The following YARS2 variants were observed in gnomAD, a reference collection of about 807,000 sequenced individuals.
YARS2 encodes the protein tyrosine--tRNA ligase, mitochondrial.
In YARS2, 38 loss-of-function variants were observed where a neutral mutation model predicts 45.0. That is an observed-to-expected ratio of 0.84 (90% CI 0.65 to 1.11). The LOEUF (loss-of-function observed/expected upper bound fraction) is 1.11. YARS2 is among the 50% of genes least tolerant of loss of function. The pLI, the probability that YARS2 is intolerant of heterozygous loss-of-function variation, is 0.00. For synonymous variants in YARS2, 287 were observed against 245.1 expected, an observed-to-expected ratio of 1.17 and a Z score of -1.60; for missense variants, 602 against 599.8, an observed-to-expected ratio of 1.00 and a Z score of -0.04.
chr12:32,752,732 C>T (rs762359304), intron 2 of YARS2: 2 of 274,004 alleles, frequency 7.3e-6, no homozygotes, highest in Non-Finnish European at 1.3e-5. Flanking sequence ...CAAAGTGAGA[C>T]ACTGCCTCAA....
chr12:32,747,132 G>A lies in YARS2; in HGVS notation c.*72C>T. On this transcript the variant is annotated 3_prime_UTR_variant, in exon 5 of 5. Coordinates refer to ENST00000324868, the MANE Select transcript of YARS2 (RefSeq NM_001040436.3). ...TTGCATAAGCAAAGGTCTAAGTTCT[G>A]GAGCCAACCCTTCAGAGGTCTTGAG... The A allele has an allele frequency of 1.3e-6, 2 of 1,543,122 alleles. No homozygotes were observed. The highest frequency in any genetic ancestry group is 3.4e-5 in the Admixed American group (2 of 58,436).
chr12:32,748,070 T>C (rs926049282), intron 4 of YARS2, among the ~76,000 whole-genome samples: 2 of 152,160 alleles, frequency 1.3e-5, no homozygotes, highest in African/African-American at 2.4e-5. Context: ...GGCTAGATCT[T>C]GGAAGTCCTT....
chr12:32,750,906 T>C (rs746867246), intron 2 of YARS2, 32 bp from the exon 3 acceptor site: 43 of 1,611,512 alleles, frequency 2.7e-5, no homozygotes, highest in South Asian at 1.2e-4. Flanking sequence ...GTTACACTTA[T>C]ATAACATACC....
chr12:32,750,139 T>G, intron 3 of YARS2, 32 bp from the exon 4 acceptor site: 1 of 1,611,932 alleles, frequency 6.2e-7, no homozygotes, highest in Non-Finnish European at 8.5e-7. Flanking sequence ...CTACATCATA[T>G]AAATGTTTAT....
At chr12:32,748,760 G>A (rs890875083) in intron 4 of YARS2, among the ~76,000 whole-genome samples, 2 of 152,210 alleles carry the variant, frequency 1.3e-5, no homozygotes, top group African/African-American at 4.8e-5. Context: ...AATAGTCTAG[G>A]ACTCTTTAGG....
At position 32,755,868 on chromosome 12, in the gene YARS2, C is replaced by T. The variant is rs772348768; in HGVS notation, c.7G>A (p.Ala3Thr). 17 of 1,613,130 alleles carry T rather than the reference C, an allele frequency of 1.1e-5. No individual in the cohort carries two copies. Among genetic ancestry groups the T allele is most frequent in the Non-Finnish European group, 1.4e-5 (16 of 1,180,024 alleles). The change falls in exon 1 of 5, where the codon GCG becomes ACG. Residue 3 changes from alanine to threonine, a missense_variant. Physicochemically the swap from Ala to Thr is moderately conservative, Grantham distance 58. Coordinates refer to ENST00000324868, the MANE Select transcript of YARS2 (RefSeq NM_001040436.3). MA[A>T]PILRSFSWGR... Reference sequence around the variant, plus strand: ...CAGGAAAAGGACCGCAAGATGGGCGCCGCCATCTTGGTAGCGGCACGAAGG... The same window carrying T: ...CAGGAAAAGGACCGCAAGATGGGCGTCGCCATCTTGGTAGCGGCACGAAGG...
At chr12:32,753,227 G>A (rs1209776853) in intron 2 of YARS2, among the ~76,000 whole-genome samples, 1 of 152,178 alleles carries the variant, frequency 6.6e-6, no homozygotes, top group African/African-American at 2.4e-5. Flanking sequence ...AGTGAGCCAA[G>A]ACTGCGTCAC....
chr12:32,755,043 T>TA, intron 1 of YARS2, 53 bp downstream of exon 1: 18 of 1,606,340 alleles, frequency 1.1e-5, no homozygotes, highest in Non-Finnish European at 1.5e-5. Context: ...CACAGGCTAC[T>TA]AGTGTGTAAA....
chr12:32,755,526 C>T lies in YARS2; in HGVS notation c.349G>A (p.Ala117Thr). 6.2e-7 allele frequency: 1 copy of T among 1,613,094 alleles called. No homozygotes were observed. The highest frequency in any genetic ancestry group is 8.5e-7 in the Non-Finnish European group (1 of 1,179,726). Residue 117 changes from alanine to threonine, a missense_variant, in exon 1 of 5, where the codon GCG (alanine) becomes ACG (threonine). By Grantham distance (58) the Ala-to-Thr change is moderately conservative. Transcript: ENST00000324868. ...CGGCCGCTCGGGTCTCCCAGGCGCGCCGTGGCGCCTCCCACCAGCGCGATC... is the reference window on the plus strand; with the variant it reads ...CGGCCGCTCGGGTCTCCCAGGCGCGTCGTGGCGCCTCCCACCAGCGCGATC... ...NVIALVGGAT[A>T]RLGDPSGRTK...
In YARS2 at chr12:32,755,510, G is replaced by C; in HGVS notation, c.365C>G (p.Pro122Arg). The C allele has an allele frequency of 3.7e-6, 6 of 1,612,500 alleles. No individual in the cohort carries two copies. The highest frequency in any genetic ancestry group is 1.1e-5 in the South Asian group (1 of 91,040). Reference protein sequence around the residue: ...VGGATARLGDPSGRTKEREAL... With the variant: ...VGGATARLGDRSGRTKEREAL... ...CTCGCGTTCCTTGGTACGGCCGCTC[G>C]GGTCTCCCAGGCGCGCCGTGGCGCC... Residue 122 changes from proline (P) to arginine (R), a missense_variant, in exon 1 of 5, where the codon CCG becomes CGG. Physicochemically the swap from Pro to Arg is moderately radical, Grantham distance 103. Transcript: ENST00000324868.
intron 1 of YARS2, among the ~76,000 whole-genome samples, chr12:32,754,747 T>C (rs1469602634): frequency 1.5e-5 from 2 of 132,650 alleles, no homozygotes; most frequent in Admixed American, 8.2e-5. Flanking sequence ...GGAGTCTCCC[T>C]CTGTTGCCCC....
At chr12:32,754,444 G>A (rs1955806145) in intron 1 of YARS2, among the ~76,000 whole-genome samples, 1 of 152,196 alleles carries the variant, frequency 6.6e-6, no homozygotes, top group Non-Finnish European at 1.5e-5. Flanking sequence ...TTGCACATGA[G>A]CTAGCCCTAT....
At chr12:32,749,894 T>C in intron 4 of YARS2, 43 bp downstream of exon 4, 1 of 1,610,364 alleles carries the variant, frequency 6.2e-7, no homozygotes. Flanking sequence ...CTGTAACATT[T>C]AATGGTGAAT....
rs1592711201 is a variant in YARS2 at position 32,751,578 on chromosome 12, A to G, written c.948-704T>C. Among the ~76,000 whole-genome samples the G allele has an allele frequency of 2.0e-5, 3 of 152,214 alleles. No homozygotes were observed. The South Asian group carries it at 6.2e-4, about 31-fold the overall frequency. On this transcript the variant is annotated intron_variant, in intron 2 of 4. Coordinates refer to ENST00000324868, the MANE Select transcript of YARS2 (RefSeq NM_001040436.3). ...GATATAAATCATCATGCTCTGCATA[A>G]TGATGTTTCTGTCAATGATGGACTA... is the stretch of plus-strand genomic sequence containing the variant.
rs935037205 is a variant in YARS2 at position 32,750,993 on chromosome 12, G to A, written c.948-119C>T. 6.2e-5 allele frequency: 74 copies of A among 1,189,054 alleles called. 1 individual carries two copies. Among genetic ancestry groups the A allele is most frequent in the South Asian group, 3.4e-4 (25 of 73,146 alleles). 73.7% of individuals were successfully genotyped at this position (1,189,054 alleles called of 1,614,324 possible). A position where few individuals can be genotyped will look rare whatever the true frequency, so the allele number is the denominator to read the frequency against. On this transcript the variant is annotated intron_variant, in intron 2 of 4. Coordinates refer to ENST00000324868, the MANE Select transcript of YARS2 (RefSeq NM_001040436.3). ...AAATATGAAACAAACATACAGAAAT[G>A]TACTGAACATAGTAGGTCCCATGCA...
rs554109437 is a variant in YARS2, at chr12:32,748,524, A to AGTG, written c.1275-1162_1275-1161insCAC. Among the ~76,000 whole-genome samples the AGTG allele has an allele frequency of 2.1e-3, 324 of 152,336 alleles. 1 individual carries two copies. The highest frequency in any genetic ancestry group is 0.02 in the Middle Eastern group (6 of 294). ...CTAAATCAGATGTGGTGTCATTTTTAGTAGTGGTAAAGCTTCCAGTATTAG... is the reference window on the plus strand; with the variant it reads ...CTAAATCAGATGTGGTGTCATTTTTAGTGGTAGTGGTAAAGCTTCCAGTATTAG... On this transcript the variant is annotated intron_variant, in intron 4 of 4. Coordinates refer to ENST00000324868, the MANE Select transcript of YARS2 (RefSeq NM_001040436.3).
At chr12:32,750,347 G>A (rs1008663977) in intron 3 of YARS2, among the ~76,000 whole-genome samples, 1 of 152,008 alleles carries the variant, frequency 6.6e-6, no homozygotes, top group Non-Finnish European at 1.5e-5. Flanking sequence ...GATTACAGAC[G>A]TGTGCCACCA....
Position 32,753,976 on chromosome 12 carries a change from T to C in YARS2, c.889A>G (p.Thr297Ala). Residue 297 changes from threonine (T) to alanine (A), a missense_variant, in exon 2 of 5, where the codon ACA becomes GCA. Physicochemically the swap from Thr to Ala is moderately conservative, Grantham distance 58. Coordinates refer to ENST00000324868, the MANE Select transcript of YARS2 (RefSeq NM_001040436.3). Reference sequence around the variant, plus strand: ...AATTGATACAATTCAAATGGAGATGTCTTATCTCTGTTTAGCCAAACAGCG... The same window carrying C: ...AATTGATACAATTCAAATGGAGATGCCTTATCTCTGTTTAGCCAAACAGCG... Reference protein sequence around the residue: ...GNAVWLNRDKTSPFELYQFFV... With the variant: ...GNAVWLNRDKASPFELYQFFV... 1.2e-6 allele frequency: 2 copies of C among 1,614,214 alleles called. No homozygotes were observed. Among genetic ancestry groups the C allele is most frequent in the Non-Finnish European group, 8.5e-7 (1 of 1,180,042 alleles).
chr12:32,747,504 GCTCTATTATTAATAGATTCTGC>G (rs1476232512), intron 4 of YARS2, 141 bp from the exon 5 acceptor site: 2 of 824,690 alleles, frequency 2.4e-6, no homozygotes, highest in Non-Finnish European at 3.9e-6. Context: ...CTTCATGTTT[GCTCTATTATTAATAGATTCTGC>G]CTCTCTTTAC....
Sources: gnomAD v4.1 joint callset for allele counts (sites outside exome capture counted in the v4.1 genomes callset) on GRCh38, gnomAD v4.1.1 for gene constraint, MANE v1.5 for transcripts, NCBI Gene and HGNC (gene_info 2026-07-23, HGNC 2026-07-21) for gene names.